The following STK32C variants were observed in gnomAD, a reference collection of about 807,000 sequenced individuals.
The protein encoded by STK32C is serine/threonine-protein kinase 32C.
In STK32C, 31 loss-of-function variants were observed where a neutral mutation model predicts 56.5. The ratio of observed to expected loss-of-function variants is 0.55; its 90% CI spans 0.41 to 0.74. The LOEUF is 0.74. STK32C is among the 30% of genes least tolerant of loss of function. The pLI is 0.00. For synonymous variants in STK32C, 309 were observed against 289.4 expected, an observed-to-expected ratio of 1.07 and a Z score of -0.69; for missense variants, 544 against 676.9, an observed-to-expected ratio of 0.80 and a Z score of 2.18.
At chr10:132,331,787 T>C (rs1333267777) in exon 1 of STK32C, 4 of 1,606,048 alleles carry the variant, frequency 2.5e-6, no homozygotes, top group Non-Finnish European at 1.7e-6. Flanking sequence ...CTCCAGACCC[T>C]CGCGGTCTCT....
chr10:132,273,557 C>A (rs557993553), intron 1 of STK32C, among the ~76,000 whole-genome samples: 1 of 150,018 alleles, frequency 6.7e-6, no homozygotes, highest in Non-Finnish European at 1.5e-5. Context: ...GATGAATGAG[C>A]GAATGAACAC....
At chr10:132,233,587 G>A (rs957850776) in intron 2 of STK32C, among the ~76,000 whole-genome samples, 1 of 152,234 alleles carries the variant, frequency 6.6e-6, no homozygotes, top group Non-Finnish European at 1.5e-5. Flanking sequence ...GGGCCTGGGT[G>A]GCGGCTGTAG....
intron 1 of STK32C, among the ~76,000 whole-genome samples, chr10:132,247,953 G>C (rs1013667761): frequency 5.3e-5 from 8 of 152,118 alleles, no homozygotes; most frequent in African/African-American, 1.9e-4. Context: ...CGCAGAGGAC[G>C]GGCCGTGCTG....
At chr10:132,293,445 T>C (rs947822882) in intron 1 of STK32C, among the ~76,000 whole-genome samples, 1 of 152,210 alleles carries the variant, frequency 6.6e-6, no homozygotes, top group Non-Finnish European at 1.5e-5. Flanking sequence ...AGTGTGACAG[T>C]GAGCCAAGCC....
intron 1 of STK32C, chr10:132,330,328 G>C (rs925574399): frequency 3.0e-6 from 2 of 658,640 alleles, no homozygotes; most frequent in African/African-American, 3.6e-5. Context: ...AGAGATACTG[G>C]AATGCTGAAA....
At chr10:132,228,935 A>C (rs2062996892) in intron 2 of STK32C, among the ~76,000 whole-genome samples, 1 of 152,202 alleles carries the variant, frequency 6.6e-6, no homozygotes, top group Non-Finnish European at 1.5e-5. Context: ...GTCCCCACAT[A>C]GCTCTTCAGG....
At chr10:132,288,559 T>C (rs2065479694) in intron 1 of STK32C, among the ~76,000 whole-genome samples, 1 of 152,244 alleles carries the variant, frequency 6.6e-6, no homozygotes, top group African/African-American at 2.4e-5. Flanking sequence ...TAGGTGACTG[T>C]ATGCCTTTGT....
intron 1 of STK32C, among the ~76,000 whole-genome samples, chr10:132,283,006 AG>A (rs1206688314): frequency 1.3e-5 from 2 of 152,222 alleles, no homozygotes; most frequent in Non-Finnish European, 2.9e-5. Flanking sequence ...TCACATTCCC[AG>A]GGGTCCTGAC....
intron 2 of STK32C, among the ~76,000 whole-genome samples, chr10:132,230,861 C>A (rs912797786): frequency 6.6e-6 from 1 of 152,236 alleles, no homozygotes; most frequent in Non-Finnish European, 1.5e-5. Flanking sequence ...GCTCACGATG[C>A]AGCTCAGCTC....
At position 132,224,615 on chromosome 10, in the gene STK32C, C is replaced by G. The variant is rs560582965; in HGVS notation, c.877-92G>C. The G allele has an allele frequency of 1.7e-5, 15 of 885,088 alleles. No individual in the cohort carries two copies. In the South Asian group the frequency reaches 2.0e-4, roughly 12 times the overall value. The allele number at this position is 885,088 out of a possible 1,614,324, so 54.8% of individuals were successfully genotyped here. On this transcript the variant is annotated intron_variant, in intron 7 of 11. Coordinates refer to ENST00000298630, the MANE Select transcript of STK32C (RefSeq NM_173575.4). ...CACAGGTGCCATCGCCCTGAGAGGA[C>G]CCCCTCCCCCCACCCCAAGTGCAGG...
rs776817655 is a variant in STK32C at position 132,243,330 on chromosome 10, G to T, written c.318+2570C>A. Among the ~76,000 whole-genome samples the T allele has an allele frequency of 2.0e-4, 30 of 152,336 alleles. 2 individuals carry two copies. Among genetic ancestry groups the T allele is most frequent in the South Asian group, 1.4e-3 (7 of 4,830 alleles). ...CAGACACCGCAGCCTCTGGAACCCC[G>T]GCTGGACGCTGAGGAGGCAGCAGGC... On this transcript the variant is annotated intron_variant, in intron 2 of 11. Transcript: ENST00000298630.
intron 1 of STK32C, among the ~76,000 whole-genome samples, chr10:132,259,544 T>A (rs1238506082): frequency 1.3e-5 from 2 of 152,102 alleles, no homozygotes; most frequent in Non-Finnish European, 2.9e-5. Flanking sequence ...TCTCATGAGA[T>A]CTGGGCGTCT....
chr10:132,224,504 G>A lies in STK32C; in HGVS notation c.896C>T (p.Ser299Phe), dbSNP rs1426826581. ...CACCAGGGACTCCACGGCGTTGCTG[G>A]AGTGGATGTCATAGGGCCTCTGGAG... is the stretch of plus-strand genomic sequence containing the variant. ...LRGWRPYDIH[S>F]SNAVESLVQL... is the part of the protein sequence containing the mutation. The change falls in exon 8 of 12, where the codon TCC becomes TTC. Residue 299 changes from serine to phenylalanine, a missense_variant. This residue lies in a region of STK32C where 277 missense variants were observed against 309.3 expected (regional missense o/e 0.90). Coordinates refer to ENST00000298630, the MANE Select transcript of STK32C (RefSeq NM_173575.4). 13 of 1,591,762 alleles carry A rather than the reference G, an allele frequency of 8.2e-6. No individual in the cohort carries two copies. The highest frequency in any genetic ancestry group is 2.3e-5 in the East Asian group (1 of 44,032).
intron 1 of STK32C, among the ~76,000 whole-genome samples, chr10:132,270,285 C>G (rs2064772844): frequency 6.6e-6 from 1 of 152,228 alleles, no homozygotes; most frequent in East Asian, 1.9e-4. Context: ...GGTGGGACTC[C>G]TGAATTATCC....
intron 1 of STK32C, among the ~76,000 whole-genome samples, chr10:132,279,332 G>A (rs2065083136): frequency 6.6e-6 from 1 of 152,192 alleles, no homozygotes; most frequent in Non-Finnish European, 1.5e-5. Context: ...ACTAGGTGGA[G>A]CGGCGTGCTG....
chr10:132,313,476 G>A (rs1348811645), intron 1 of STK32C, among the ~76,000 whole-genome samples: 17 of 152,366 alleles, frequency 1.1e-4, no homozygotes, highest in South Asian at 2.1e-4. Context: ...CAGATGGAGC[G>A]TGCACCCCTC....
At chr10:132,280,149 ACTCTGTGATCACGCCCCTG>A (rs2065123920) in intron 1 of STK32C, among the ~76,000 whole-genome samples, 2 of 142,466 alleles carry the variant, frequency 1.4e-5, no homozygotes, top group South Asian at 4.5e-4. Flanking sequence ...ACGCCCCTGC[ACTCTGTGATCACGCCCCTG>A]CACTCCGTGA....
At chr10:132,271,519 T>C (rs2064823170) in intron 1 of STK32C, among the ~76,000 whole-genome samples, 3 of 152,140 alleles carry the variant, frequency 2.0e-5, no homozygotes, top group Admixed American at 1.3e-4. Flanking sequence ...CAGAAAGATG[T>C]TGTCCCGTCC....
chr10:132,238,872 T>G (rs772595286), intron 2 of STK32C, among the ~76,000 whole-genome samples: 2 of 152,010 alleles, frequency 1.3e-5, no homozygotes, highest in Non-Finnish European at 2.9e-5. Context: ...CACACGTTCA[T>G]GTACACAGGT....
Sources: gnomAD v4.1 joint callset for allele counts (sites outside exome capture counted in the v4.1 genomes callset) on GRCh38, gnomAD v4.1.1 for gene constraint, gnomAD v4.1.1 regional missense constraint, MANE v1.5 for transcripts, NCBI Gene and HGNC (gene_info 2026-07-23, HGNC 2026-07-21) for gene names.